Variants in ACSM3 observed in about 807,000 individuals in gnomAD.
ACSM3 encodes the protein acyl-CoA synthetase medium chain family member 3.
A neutral mutation model predicts 74.1 loss-of-function variants in ACSM3; 61 were observed. The ratio of observed to expected loss-of-function variants is 0.82; its 90% CI spans 0.67 to 1.02. The LOEUF is 1.02. Ranked by LOEUF, ACSM3 falls within the 50% of genes least tolerant of loss-of-function variation. The pLI, the probability that ACSM3 is intolerant of heterozygous loss-of-function variation, is 0.00. For synonymous variants in ACSM3, 213 were observed against 241.5 expected (o/e 0.88, Z 1.09); for missense variants, 660 against 697.0 (o/e 0.95, Z 0.60).
chr16:20,705,187 A>G (rs1454680155), intron 1 of ACSM3, among the ~76,000 whole-genome samples: 1 of 152,250 alleles, frequency 6.6e-6, no homozygotes, highest in East Asian at 1.9e-4. Flanking sequence ...CCTGGCTAAC[A>G]CCCTGAAACC....
At chr16:20,708,003 G>A (rs12922363) in intron 1 of ACSM3, among the ~76,000 whole-genome samples, 3,518 of 152,214 alleles carry the variant, frequency 0.023, 77 homozygotes, top group Non-Finnish European at 0.029. Context: ...AAATAACAAC[G>A]CATAAAAGTT....
At chr16:20,747,922 C>T (rs1223396041) in intron 1 of ACSM3, among the ~76,000 whole-genome samples, 2 of 152,166 alleles carry the variant, frequency 1.3e-5, no homozygotes, top group Admixed American at 6.5e-5. Context: ...AGGTGGATCG[C>T]TTGAGCTCAG....
intron 9 of ACSM3, chr16:20,789,658 G>A (rs888630698): frequency 1.9e-5 from 12 of 631,486 alleles, no homozygotes; most frequent in South Asian, 8.7e-5. Flanking sequence ...TGGCAAAACT[G>A]TATATTATAA....
At chr16:20,736,033 G>A (rs1006490107) in intron 1 of ACSM3, 2 of 152,158 alleles carry the variant, frequency 1.3e-5, no homozygotes, top group African/African-American at 4.8e-5. Flanking sequence ...TAGTCCAAAA[G>A]CCATTTGAAA....
At position 20,770,144 on chromosome 16, in the gene ACSM3, C is replaced by G. The variant is rs374464685; in HGVS notation, c.110C>G (p.Pro37Arg). 3 of 1,613,990 alleles carry G rather than the reference C, an allele frequency of 1.9e-6. No homozygotes were observed. Among genetic ancestry groups the G allele is most frequent in the Non-Finnish European group, 2.5e-6 (3 of 1,180,002 alleles). ...CATAAAGATAATAGAACAGCAACCC[C>G]TCAGAATTTCTCCAACTATGAATCC... ...ALHKDNRTAT[P>R]QNFSNYESMK... The change falls in exon 2 of 14, where the codon CCT becomes CGT. Residue 37 changes from proline (P) to arginine (R), a missense_variant. Coordinates refer to ENST00000289416, the MANE Select transcript of ACSM3 (RefSeq NM_005622.4).
chr16:20,707,183 C>G lies in ACSM3; in HGVS notation c.-190+32361C>G, dbSNP rs375265349. On this transcript the variant is annotated intron_variant, in intron 1 of 3. Transcript: ENST00000561584. Reference sequence around the variant, plus strand: ...CAGGGTCATACTTGCCAACCTCAGTCCCCATAGCAGATCCTGAAAAGGCCC... The same window carrying G: ...CAGGGTCATACTTGCCAACCTCAGTGCCCATAGCAGATCCTGAAAAGGCCC... 6.8e-4 allele frequency among the ~76,000 whole-genome samples: 104 copies of G among 152,280 alleles called. 1 individual carries two copies. The highest frequency in any genetic ancestry group is 2.0e-3 in the Admixed American group (30 of 15,296).
At chr16:20,717,959 A>AGAAGAAGAG (rs2079769566) in intron 1 of ACSM3, among the ~76,000 whole-genome samples, 1 of 51,936 alleles carries the variant, frequency 1.9e-5, no homozygotes, top group African/African-American at 9.5e-5. Context: ...AGGAAGAGGA[A>AGAAGAAGAG]GAAGAAGAAG....
At chr16:20,675,700 T>C (rs2020237561) in intron 1 of ACSM3, among the ~76,000 whole-genome samples, 1 of 152,192 alleles carries the variant, frequency 6.6e-6, no homozygotes, top group South Asian at 2.1e-4. Flanking sequence ...AATGGCACTA[T>C]AGGTAAATTG....
Position 20,707,681 on chromosome 16 carries a change from C to T in ACSM3, c.-190+32859C>T, listed in dbSNP as rs542510847. On this transcript the variant is annotated intron_variant, in intron 1 of 3. Transcript: ENST00000561584. Reference sequence around the variant, plus strand: ...CTCCAAAAGCATTTGGCTACAATCCCATAGGCAAACTCATTTGCCTGGGAA... The same window carrying T: ...CTCCAAAAGCATTTGGCTACAATCCTATAGGCAAACTCATTTGCCTGGGAA... Among the ~76,000 whole-genome samples, 3 of 152,312 alleles carry T rather than the reference C, an allele frequency of 2.0e-5. No homozygotes were observed. The South Asian group carries it at 6.2e-4, about 32-fold the overall frequency.
Position 20,685,338 on chromosome 16 carries a change from C to A in ACSM3, c.-190+10516C>A, listed in dbSNP as rs201684230. ...TTAGGTCTCCCATCTCTCTGAAGCT[C>A]CACTTTACTTCATCCCCTTGGCCAT... On this transcript the variant is annotated intron_variant, in intron 1 of 3. Transcript: ENST00000561584. 11 of 1,614,052 alleles carry A rather than the reference C, an allele frequency of 6.8e-6. No homozygotes were observed. The East Asian group carries it at 2.5e-4, about 36-fold the overall frequency.
intron 1 of ACSM3, among the ~76,000 whole-genome samples, chr16:20,764,484 A>C (rs992901050): frequency 6.6e-6 from 1 of 152,092 alleles, no homozygotes; most frequent in Non-Finnish European, 1.5e-5. Context: ...TTAGGAGGCT[A>C]TGGTGGGCAG....
intron 1 of ACSM3, chr16:20,736,703 T>C (rs1429357613): frequency 1.5e-6 from 1 of 651,048 alleles, no homozygotes; most frequent in Non-Finnish European, 2.6e-6. Context: ...CCATAAAGGC[T>C]GAAAGATCCC....
intron 13 of ACSM3, 42 bp downstream of exon 13, chr16:20,796,531 G>A: frequency 1.2e-6 from 2 of 1,601,180 alleles, no homozygotes; most frequent in South Asian, 1.1e-5. Flanking sequence ...CAGTGTTGTG[G>A]ACAATTTCAA....
intron 1 of ACSM3, chr16:20,718,565 A>T: frequency 8.3e-6 from 2 of 241,530 alleles, no homozygotes; most frequent in Non-Finnish European, 1.6e-5. Context: ...CAACTAATCG[A>T]TACTTCTCCT....
intron 3 of ACSM3, among the ~76,000 whole-genome samples, chr16:20,756,656 A>G (rs986206549): frequency 9.2e-5 from 14 of 152,156 alleles, no homozygotes; most frequent in Non-Finnish European, 1.3e-4. Context: ...CCATTTGTCA[A>G]TGTTGGCTTT....
intron 1 of ACSM3, chr16:20,738,606 G>A: frequency 2.8e-6 from 1 of 357,770 alleles, no homozygotes; most frequent in South Asian, 4.8e-5. Context: ...GCAACAACTG[G>A]CTGGAGCTGA....
intron 1 of ACSM3, chr16:20,741,481 G>GGGGGGGGGGGGCCCCCCCCCC: frequency 2.3e-6 from 3 of 1,308,410 alleles, no homozygotes; most frequent in Non-Finnish European, 2.0e-6. Flanking sequence ...CTGGCAGCCG[G>GGGGGGGGGGGGCCCCCCCCCC]CCCGCCCGCC....
At chr16:20,784,906 G>A in intron 7 of ACSM3, 78 bp from the exon 8 acceptor site, 2 of 1,497,304 alleles carry the variant, frequency 1.3e-6, no homozygotes, top group Non-Finnish European at 1.8e-6. Flanking sequence ...TTATATTGAA[G>A]TTCATAAGAA....
At chr16:20,792,799 A>G (rs534013947) in intron 12 of ACSM3, 153 of 729,772 alleles carry the variant, frequency 2.1e-4, no homozygotes, top group Non-Finnish European at 2.4e-4. Flanking sequence ...TGGTAGGTAA[A>G]TAAGTAGAGA....
Sources: allele counts gnomAD v4.1 joint callset (sites outside exome capture counted in the v4.1 genomes callset), GRCh38; gene constraint gnomAD v4.1.1; transcripts MANE v1.5; gene names NCBI Gene and HGNC (gene_info 2026-07-23, HGNC 2026-07-21).